FAN1: variants seen among roughly 807,000 people sequenced by gnomAD.
FAN1 encodes FANCD2 and FANCI associated nuclease 1.
FAN1 carries 91 observed loss-of-function variants against 104.9 expected under a neutral mutation model. The ratio of observed to expected loss-of-function variants is 0.87; its 90% CI spans 0.73 to 1.03. The LOEUF is 1.03. Ranked by LOEUF, FAN1 falls within the 50% of genes least tolerant of loss-of-function variation. The pLI is 0.00. For synonymous variants in FAN1, 478 were observed against 457.6 expected (o/e 1.04, Z -0.57); for missense variants, 1,263 against 1,239.9 (o/e 1.02, Z -0.28).
At position 30,925,191 on chromosome 15, in the gene FAN1, T is replaced by C; in HGVS notation, c.2237T>C (p.Leu746Pro). 6.2e-7 allele frequency: 1 copy of C among 1,614,042 alleles called. No individual in the cohort carries two copies. Among genetic ancestry groups the C allele is most frequent in the East Asian group, 2.2e-5 (1 of 44,876 alleles). The change falls in exon 9 of 15, where the codon CTG becomes CCG. Residue 746 changes from leucine to proline, a missense_variant. Around this residue, in one of 2 missense-constraint regions of FAN1, gnomAD observed 581 missense variants for 668.8 expected, o/e 0.87. Coordinates refer to ENST00000362065, the MANE Select transcript of FAN1 (RefSeq NM_014967.5). ...GTCAGAACGGGACACCGCCTTTCAC[T>C]GTATCAGCGAGCCGTGCGCCTGCGA... The part of the protein sequence containing the change: ...PEVRTGHRLS[L>P]YQRAVRLRES...
intron 10 of FAN1, chr15:30,927,182 C>A: frequency 1.0e-6 from 1 of 965,350 alleles, no homozygotes; most frequent in Non-Finnish European, 1.2e-6. Flanking sequence ...GCACTCCAGT[C>A]TGGGTGACAG....
At chr15:30,930,067 C>A (rs2062666375) in intron 12 of FAN1, among the ~76,000 whole-genome samples, 1 of 141,694 alleles carries the variant, frequency 7.1e-6, no homozygotes, top group African/African-American at 2.7e-5. Flanking sequence ...ATGAGAATAC[C>A]CTATCCCCCT....
chr15:30,907,314 T>C (rs1216108284), intron 2 of FAN1, among the ~76,000 whole-genome samples: 1 of 151,922 alleles, frequency 6.6e-6, no homozygotes, highest in Non-Finnish European at 1.5e-5. Context: ...GGTCATGAGT[T>C]CCAGACTAGC....
rs780148773 is a variant in FAN1 at position 30,905,702 on chromosome 15, T to C, written c.1039T>C (p.Leu347=). The stretch of plus-strand genomic sequence containing the variant: ...GGCTCCTCTGCAGGATGACAGTTGC[T>C]TAAACAATGATATCCCTCACAGCAT... ...QEAPLQDDSC[L]NNDIPHSIPL... is the part of the protein sequence containing the mutation. Residue 347 remains leucine, a synonymous_variant, in exon 2 of 15, where the codon TTA becomes CTA. Coordinates refer to ENST00000362065, the MANE Select transcript of FAN1 (RefSeq NM_014967.5). 3.7e-5 allele frequency: 59 copies of C among 1,614,064 alleles called. No homozygotes were observed. Among genetic ancestry groups the C allele is most frequent in the Non-Finnish European group, 4.9e-5 (58 of 1,180,016 alleles).
intron 13 of FAN1, among the ~76,000 whole-genome samples, chr15:30,936,164 A>G (rs2062847442): frequency 6.6e-6 from 1 of 152,212 alleles, no homozygotes; most frequent in Admixed American, 6.5e-5. Context: ...AACAAAACAC[A>G]CAATTCTTGC....
chr15:30,905,481 A>G lies in FAN1; in HGVS notation c.818A>G (p.Asn273Ser). The G allele has an allele frequency of 3.7e-6, 6 of 1,614,124 alleles. No homozygotes were observed. Among genetic ancestry groups the G allele is most frequent in the Non-Finnish European group, 5.1e-6 (6 of 1,179,962 alleles). ...MLFSPDFTLR[N>S]TLKSTSEDSL... is the part of the protein sequence containing the mutation. ...TTCTCACCAGATTTCACTCTTAGGA[A>G]TACATTAAAGTCTACTTCAGAAGAC... The change falls in exon 2 of 15, where the codon AAT becomes AGT. Residue 273 changes from asparagine (N) to serine (S), a missense_variant. Asn to Ser is a conservative substitution (Grantham distance 46). Around this residue, in one of 2 missense-constraint regions of FAN1, gnomAD observed 682 missense variants for 571.1 expected, o/e 1.19. Coordinates refer to ENST00000362065, the MANE Select transcript of FAN1 (RefSeq NM_014967.5).
intron 5 of FAN1, among the ~76,000 whole-genome samples, chr15:30,915,635 A>G (rs1170934610): frequency 6.6e-6 from 1 of 152,148 alleles, no homozygotes; most frequent in Non-Finnish European, 1.5e-5. Context: ...GAGGTGCTGG[A>G]TATGCTAATT....
intron 11 of FAN1, 47 bp from the exon 12 acceptor site, chr15:30,929,156 G>T: frequency 6.4e-7 from 1 of 1,562,160 alleles, no homozygotes; most frequent in East Asian, 2.3e-5. Context: ...TGGTGAACAC[G>T]GCTCTCTGCA....
At chr15:30,941,296 C>T (rs1566941647) in intron 14 of FAN1, 1 of 1,515,942 alleles carries the variant, frequency 6.6e-7, no homozygotes, top group Non-Finnish European at 8.8e-7. Context: ...TTACATCTCT[C>T]TTAAAATAAG....
chr15:30,935,937 T>G (rs2062839811), intron 13 of FAN1, among the ~76,000 whole-genome samples: 1 of 152,202 alleles, frequency 6.6e-6, no homozygotes, highest in South Asian at 2.1e-4. Flanking sequence ...TTTGTGTGCC[T>G]GGGATTCATT....
chr15:30,905,988 G>GGT, intron 2 of FAN1, 91 bp downstream of exon 2: 1 of 1,197,982 alleles, frequency 8.3e-7, no homozygotes, highest in Non-Finnish European at 1.2e-6. Flanking sequence ...TCTAGTGACC[G>GGT]CAAGGAGTCA....
intron 14 of FAN1, among the ~76,000 whole-genome samples, chr15:30,937,605 C>T (rs965756332): frequency 6.6e-6 from 1 of 151,826 alleles, no homozygotes; most frequent in South Asian, 2.1e-4. Flanking sequence ...GTGTGCGCCA[C>T]CACGCCTGGC....
chr15:30,941,222 G>A (rs772107849), intron 14 of FAN1: 10 of 1,402,252 alleles, frequency 7.1e-6, no homozygotes, highest in African/African-American at 5.7e-5. Context: ...CAGACAACAT[G>A]AACAGTTTGA....
intron 14 of FAN1, chr15:30,939,978 A>T: frequency 1.0e-6 from 1 of 981,072 alleles, no homozygotes; most frequent in South Asian, 4.7e-5. Flanking sequence ...AGACATTATC[A>T]AATTTTAAAA....
At chr15:30,908,047 G>A (rs909154680) in intron 2 of FAN1, 71 bp from the exon 3 acceptor site, 18 of 1,310,632 alleles carry the variant, frequency 1.4e-5, no homozygotes, top group East Asian at 2.4e-5. Flanking sequence ...TTTCTAAATC[G>A]TACATTTATT....
chr15:30,904,632 A>G lies in FAN1; in HGVS notation c.-32A>G, dbSNP rs766857188. 1.9e-6 allele frequency: 3 copies of G among 1,605,130 alleles called. No individual in the cohort carries two copies. Among genetic ancestry groups the G allele is most frequent in the Admixed American group, 3.4e-5 (2 of 59,384 alleles). On this transcript the variant is annotated 5_prime_UTR_variant, in exon 2 of 15. Coordinates refer to ENST00000362065, the MANE Select transcript of FAN1 (RefSeq NM_014967.5). ...TTTCACCTTAAATATCCTGTGTTTT[A>G]TTGCTCAGAACATCCAGTTTTTCTA...
rs758119761 is a variant in FAN1, at chr15:30,904,672, A to G, written c.9A>G (p.Ser3=). Residue 3 remains serine (S), a synonymous_variant, in exon 2 of 15, where the codon TCA becomes TCG. Transcript: ENST00000362065. ...CAGTTTTTCTAATACTCATGATGTC[A>G]GAAGGGAAACCTCCTGACAAAAAAA... MM[S]EGKPPDKKRP... 1.6e-5 allele frequency: 26 copies of G among 1,607,800 alleles called. 1 individual carries two copies. In the South Asian group the frequency reaches 2.4e-4, roughly 15 times the overall value.
At chr15:30,916,970 C>T (rs750492687) in intron 5 of FAN1, among the ~76,000 whole-genome samples, 3 of 151,992 alleles carry the variant, frequency 2.0e-5, no homozygotes, top group Non-Finnish European at 4.4e-5. Flanking sequence ...GTCCCGGCCG[C>T]GAGATAGCAT....
chr15:30,906,447 TACTAGTCTATGCC>T (rs2061981000), intron 2 of FAN1: 1 of 456,628 alleles, frequency 2.2e-6, no homozygotes, highest in Non-Finnish European at 4.4e-6. Flanking sequence ...ACATTAAAAA[TACTAGTCTATGCC>T]TGAAGTCCTT....
Sources: allele counts gnomAD v4.1 joint callset (sites outside exome capture counted in the v4.1 genomes callset), GRCh38; gene constraint gnomAD v4.1.1; regional missense constraint gnomAD v4.1.1; transcripts MANE v1.5; gene names NCBI Gene and HGNC (gene_info 2026-07-23, HGNC 2026-07-21).